USH2A: variants seen among roughly 807,000 people sequenced by gnomAD.
USH2A encodes usherin.
In USH2A, 443 loss-of-function variants were observed where a neutral mutation model predicts 538.9. The ratio of observed to expected loss-of-function variants is 0.82; its 90% CI spans 0.76 to 0.89. The LOEUF (loss-of-function observed/expected upper bound fraction) is 0.89. Ranked by LOEUF, USH2A falls within the 40% of genes least tolerant of loss-of-function variation. USH2A has a pLI of 0.00. For synonymous variants in USH2A, 2,413 were observed against 2,273.5 expected (o/e 1.06, Z -1.75); for missense variants, 6,633 against 6,324.8 (o/e 1.05, Z -1.65).
At chr1:216,314,285 T>C (rs1201191317) in intron 9 of USH2A, among the ~76,000 whole-genome samples, 1 of 152,118 alleles carries the variant, frequency 6.6e-6, no homozygotes, top group Non-Finnish European at 1.5e-5. Context: ...AAAGAACTAG[T>C]ACAAGTGTTT....
At chr1:215,912,506 T>C (rs1288595259) in intron 38 of USH2A, among the ~76,000 whole-genome samples, 1 of 17,862 alleles carries the variant, frequency 5.6e-5, no homozygotes, top group South Asian at 1.7e-3. Context: ...TATATATATA[T>C]ATATACGTGT....
At chr1:216,140,026 C>A (rs976506559) in intron 21 of USH2A, among the ~76,000 whole-genome samples, 1 of 152,310 alleles carries the variant, frequency 6.6e-6, no homozygotes, top group East Asian at 1.9e-4. Flanking sequence ...AAGCTTCCTT[C>A]AGACAAGGAC....
chr1:216,286,831 T>C (rs1387617010), intron 11 of USH2A, among the ~76,000 whole-genome samples: 1 of 152,208 alleles, frequency 6.6e-6, no homozygotes, highest in African/African-American at 2.4e-5. Context: ...CATGGGGTAC[T>C]GTATTTACTA....
At chr1:216,288,760 G>A (rs1027856572) in intron 11 of USH2A, among the ~76,000 whole-genome samples, 6 of 152,114 alleles carry the variant, frequency 3.9e-5, no homozygotes, top group African/African-American at 1.2e-4. Flanking sequence ...CTGTGTGCAT[G>A]TAGGCTAGAC....
At chr1:216,129,715 G>T (rs1316819579) in intron 21 of USH2A, among the ~76,000 whole-genome samples, 1 of 151,774 alleles carries the variant, frequency 6.6e-6, no homozygotes, top group African/African-American at 2.4e-5. Context: ...ATCCTAAAAT[G>T]TATATGGAAC....
In USH2A at chr1:215,799,433, T is replaced by C. The variant is rs143804497; in HGVS notation, c.9740-308A>G. On this transcript the variant is annotated intron_variant, in intron 49 of 71. Coordinates refer to ENST00000307340, the MANE Select transcript of USH2A (RefSeq NM_206933.4). ...AACATCTAGGAATACTTTTTTGTTC[T>C]GTGTAATTTTCTTTTGGAACGTAGA... is the stretch of plus-strand genomic sequence containing the variant. 1.0e-3 allele frequency among the ~76,000 whole-genome samples: 152 copies of C among 152,370 alleles called. 1 individual carries two copies. The East Asian group carries it at 0.012, about 12-fold the overall frequency.
chr1:216,208,581 C>T (rs2035170977), intron 15 of USH2A, among the ~76,000 whole-genome samples: 1 of 152,130 alleles, frequency 6.6e-6, no homozygotes, highest in African/African-American at 2.4e-5. Context: ...TGGTCCAGTA[C>T]TCTCAGGTAC....
chr1:216,335,136 A>G (rs1367971240), intron 4 of USH2A, among the ~76,000 whole-genome samples: 1 of 151,782 alleles, frequency 6.6e-6, no homozygotes, highest in Non-Finnish European at 1.5e-5. Context: ...TTAGAAATCA[A>G]TAACAGAAGC....
At chr1:215,697,462 C>T (rs903716911) in intron 61 of USH2A, among the ~76,000 whole-genome samples, 1 of 152,120 alleles carries the variant, frequency 6.6e-6, no homozygotes, top group Non-Finnish European at 1.5e-5. Flanking sequence ...AGTGAACATT[C>T]AAATCTTTTG....
At chr1:215,758,495 T>C in intron 58 of USH2A, 100 bp downstream of exon 58, 1 of 1,438,418 alleles carries the variant, frequency 7.0e-7, no homozygotes, top group Non-Finnish European at 9.6e-7. Flanking sequence ...AGACCGACTA[T>C]GTCTTTCTGA....
At chr1:215,729,290 G>A (rs991700365) in intron 60 of USH2A, among the ~76,000 whole-genome samples, 1 of 152,028 alleles carries the variant, frequency 6.6e-6, no homozygotes, top group African/African-American at 2.4e-5. Flanking sequence ...ATTGTTCCCA[G>A]GATGTTTACA....
chr1:216,145,340 C>T (rs760270349), intron 21 of USH2A, among the ~76,000 whole-genome samples: 2 of 152,140 alleles, frequency 1.3e-5, no homozygotes, highest in Non-Finnish European at 2.9e-5. Flanking sequence ...TGTGTCTCTC[C>T]TTGGGGGATC....
intron 13 of USH2A, among the ~76,000 whole-genome samples, chr1:216,237,427 T>G (rs2035846986): frequency 1.3e-5 from 2 of 151,424 alleles, no homozygotes; most frequent in Non-Finnish European, 1.5e-5. Flanking sequence ...AGTTCCACTC[T>G]TAGCTTGCAG....
intron 21 of USH2A, among the ~76,000 whole-genome samples, chr1:216,143,600 T>C (rs1193628491): frequency 1.3e-5 from 2 of 152,150 alleles, no homozygotes; most frequent in East Asian, 3.9e-4. Flanking sequence ...CCAATAAAAT[T>C]AGTTTTCAAA....
chr1:216,283,377 A>C (rs536977415), intron 11 of USH2A, among the ~76,000 whole-genome samples: 62 of 152,328 alleles, frequency 4.1e-4, no homozygotes, highest in Middle Eastern at 3.4e-3. Flanking sequence ...GGCATGAGCC[A>C]CCGCGCCCAG....
chr1:215,731,976 G>A (rs1003724739), intron 60 of USH2A, among the ~76,000 whole-genome samples: 1 of 152,130 alleles, frequency 6.6e-6, no homozygotes, highest in Non-Finnish European at 1.5e-5. Context: ...TTGTAAAGTG[G>A]AGTTAATAAC....
chr1:216,060,665 G>A (rs1206205289), intron 30 of USH2A, among the ~76,000 whole-genome samples: 2 of 152,126 alleles, frequency 1.3e-5, no homozygotes, highest in Non-Finnish European at 2.9e-5. Context: ...CAATAAAATT[G>A]AGAAAATATT....
chr1:216,035,412 C>T (rs553677398), intron 32 of USH2A, among the ~76,000 whole-genome samples: 1 of 152,090 alleles, frequency 6.6e-6, no homozygotes, highest in Non-Finnish European at 1.5e-5. Flanking sequence ...CGCCAGCAAA[C>T]AACCAAAACA....
intron 3 of USH2A, among the ~76,000 whole-genome samples, chr1:216,393,645 A>G (rs1390409829): frequency 1.3e-5 from 2 of 152,188 alleles, no homozygotes; most frequent in South Asian, 2.1e-4. Flanking sequence ...ATTAAAAAAA[A>G]TATTATGCAA....
Sources: allele counts gnomAD v4.1 joint callset (sites outside exome capture counted in the v4.1 genomes callset), GRCh38; gene constraint gnomAD v4.1.1; transcripts MANE v1.5; gene names NCBI Gene and HGNC (gene_info 2026-07-23, HGNC 2026-07-21).